The following KLHL1 variants were observed in gnomAD, a reference collection of about 807,000 sequenced individuals.
KLHL1 encodes the protein kelch-like protein 1.
In KLHL1, 47 loss-of-function variants were observed where a neutral mutation model predicts 77.7. The observed-to-expected ratio is 0.60, with a 90% CI of 0.48 to 0.77. The LOEUF (loss-of-function observed/expected upper bound fraction) is 0.77, where lower values mean the gene tolerates loss of function less well. Ranked by LOEUF, KLHL1 falls within the 30% of genes least tolerant of loss-of-function variation. The probability of loss-of-function intolerance (pLI) is 0.00; values close to 1 mark genes in which losing one functional copy is unlikely to be tolerated. For synonymous variants in KLHL1, 360 were observed against 325.2 expected (o/e 1.11, Z -1.15); for missense variants, 925 against 910.8 (o/e 1.02, Z -0.20).
intron 4 of KLHL1, among the ~76,000 whole-genome samples, chr13:69,931,219 GGTT>G (rs1230803243): frequency 6.6e-6 from 1 of 151,518 alleles, no homozygotes; most frequent in Non-Finnish European, 1.5e-5. Context: ...TTTAAGAAAT[GGTT>G]ACTATAATAT....
Position 70,107,927 on chromosome 13 carries a change from T to G in KLHL1, c.-228A>C. 2.0e-6 allele frequency: 1 copy of G among 494,490 alleles called. No homozygotes were observed. The highest frequency in any genetic ancestry group is 3.5e-6 in the Non-Finnish European group (1 of 282,442). The allele number at this position is 494,490 out of a possible 1,614,324, so 30.6% of individuals were successfully genotyped here. A position where few individuals can be genotyped will look rare whatever the true frequency, so the allele number is the denominator to read the frequency against. The stretch of plus-strand genomic sequence containing the variant: ...TGGTCGGGTCCGCAGGACCTGGGCG[T>G]GGGGACACCACCAGGCAGGAGCAGA... On this transcript the variant is annotated 5_prime_UTR_variant, in exon 1 of 11. Coordinates refer to ENST00000377844, the MANE Select transcript of KLHL1 (RefSeq NM_020866.3).
chr13:70,057,683 G>A (rs1249199016), intron 1 of KLHL1, among the ~76,000 whole-genome samples: 3 of 148,364 alleles, frequency 2.0e-5, no homozygotes. Context: ...GGCTGAGGCA[G>A]GAGAATGGCG....
intron 1 of KLHL1, among the ~76,000 whole-genome samples, chr13:70,105,747 T>C (rs940540028): frequency 2.0e-5 from 3 of 151,094 alleles, no homozygotes. Context: ...TAACTTTTAA[T>C]AACATTTTAT....
At chr13:69,999,293 T>A (rs1885229512) in intron 1 of KLHL1, among the ~76,000 whole-genome samples, 1 of 151,994 alleles carries the variant, frequency 6.6e-6, no homozygotes, top group Non-Finnish European at 1.5e-5. Context: ...AGAGCATGAT[T>A]ACCGGAAGGC....
intron 5 of KLHL1, among the ~76,000 whole-genome samples, chr13:69,850,441 C>T (rs1256628343): frequency 6.6e-6 from 1 of 151,510 alleles, no homozygotes; most frequent in Admixed American, 6.6e-5. Flanking sequence ...CACATCCAAA[C>T]AGTCACCAAA....
intron 4 of KLHL1, among the ~76,000 whole-genome samples, chr13:69,923,306 G>T (rs1310525630): frequency 1.3e-5 from 2 of 152,138 alleles, no homozygotes; most frequent in Admixed American, 6.5e-5. Flanking sequence ...GGCCCACTTT[G>T]CCAGAAGTAA....
intron 1 of KLHL1, among the ~76,000 whole-genome samples, chr13:70,075,824 G>A (rs1416476202): frequency 1.4e-5 from 2 of 147,864 alleles, no homozygotes; most frequent in African/African-American, 5.0e-5. Context: ...GCTAATGAAA[G>A]TCAATTGCTT....
At chr13:70,026,720 G>A (rs74905912) in intron 1 of KLHL1, among the ~76,000 whole-genome samples, 39,246 of 150,078 alleles carry the variant, frequency 0.26, 5,605 homozygotes, top group East Asian at 0.58. Flanking sequence ...GTGTGTGTGT[G>A]TGTGTGTGTG....
chr13:69,934,012 C>A (rs1883090402), intron 4 of KLHL1, among the ~76,000 whole-genome samples: 1 of 151,912 alleles, frequency 6.6e-6, no homozygotes, highest in South Asian at 2.1e-4. Context: ...GGTTTATTAT[C>A]CCATTCTAGC....
intron 1 of KLHL1, among the ~76,000 whole-genome samples, chr13:70,016,526 G>C (rs976613254): frequency 6.6e-6 from 1 of 152,226 alleles, no homozygotes; most frequent in African/African-American, 2.4e-5. Context: ...CCTGGGTGCT[G>C]TCACAACCCT....
intron 4 of KLHL1, among the ~76,000 whole-genome samples, chr13:69,889,505 T>C (rs1437965715): frequency 6.6e-6 from 1 of 152,030 alleles, no homozygotes; most frequent in Non-Finnish European, 1.5e-5. Context: ...TTGATTAATT[T>C]TTTTCTGGTT....
At chr13:70,010,703 C>A (rs1885512082) in intron 1 of KLHL1, among the ~76,000 whole-genome samples, 1 of 151,752 alleles carries the variant, frequency 6.6e-6, no homozygotes, top group South Asian at 2.1e-4. Flanking sequence ...CCAGCCTGGC[C>A]AATATGGTGA....
intron 3 of KLHL1, among the ~76,000 whole-genome samples, chr13:69,947,026 TGTTGTGTGTGTGTG>T (rs1883549583): frequency 1.9e-5 from 2 of 103,408 alleles, no homozygotes; most frequent in Admixed American, 1.3e-4. Flanking sequence ...TGTGTGTGTG[TGTTGTGTGTGTGTG>T]TGTGTGTGTG....
intron 6 of KLHL1, among the ~76,000 whole-genome samples, chr13:69,829,101 CCA>C (rs764642333): frequency 6.6e-6 from 1 of 150,600 alleles, no homozygotes; most frequent in East Asian, 1.9e-4. Context: ...CTTGAAAGTT[CCA>C]CCTCCTGGCT....
chr13:70,088,702 A>T (rs1306599340), intron 1 of KLHL1, among the ~76,000 whole-genome samples: 1 of 152,142 alleles, frequency 6.6e-6, no homozygotes, highest in Non-Finnish European at 1.5e-5. Context: ...ACAAATAAAT[A>T]AAATAAAATA....
chr13:69,817,910 T>A (rs778479214), intron 6 of KLHL1, among the ~76,000 whole-genome samples: 1 of 152,170 alleles, frequency 6.6e-6, no homozygotes, highest in African/African-American at 2.4e-5. Context: ...GAATGTACAA[T>A]GATGAGGTTC....
At chr13:69,783,260 C>T (rs1194244518) in intron 7 of KLHL1, among the ~76,000 whole-genome samples, 1 of 152,116 alleles carries the variant, frequency 6.6e-6, no homozygotes, top group Admixed American at 6.5e-5. Flanking sequence ...ACTCTAAAAG[C>T]AGAGCACCTC....
chr13:70,066,277 T>G (rs2137411575), intron 1 of KLHL1, among the ~76,000 whole-genome samples: 1 of 152,324 alleles, frequency 6.6e-6, no homozygotes, highest in South Asian at 2.1e-4. Context: ...TTAGTCTGTC[T>G]AAGTCATCTA....
chr13:69,740,396 G>T lies in KLHL1; in HGVS notation c.1800C>A (p.Gly600=). 1 of 1,533,354 alleles carries T rather than the reference G, an allele frequency of 6.5e-7. No individual in the cohort carries two copies. Among genetic ancestry groups the T allele is most frequent in the South Asian group, 1.3e-5 (1 of 77,308 alleles). 95.0% of individuals were successfully genotyped at this position (1,533,354 alleles called of 1,614,324 possible). A position where few individuals can be genotyped will look rare whatever the true frequency, so the allele number is the denominator to read the frequency against. The part of the protein sequence containing the change: ...RSTVGVAALN[G]KLYSVGGRDG... ...AAATAAGAAAAAAATTTACTTACTTGCCATTCAATGCTGCTACACCAACTG... is the reference window on the plus strand; with the variant it reads ...AAATAAGAAAAAAATTTACTTACTTTCCATTCAATGCTGCTACACCAACTG... Residue 600 remains glycine (G), a splice_region_variant and synonymous_variant, in exon 8 of 11, where the codon GGC becomes GGA. Coordinates refer to ENST00000377844, the MANE Select transcript of KLHL1 (RefSeq NM_020866.3).
Sources: gnomAD v4.1 joint callset for allele counts (sites outside exome capture counted in the v4.1 genomes callset) on GRCh38, gnomAD v4.1.1 for gene constraint, MANE v1.5 for transcripts, NCBI Gene and HGNC (gene_info 2026-07-23, HGNC 2026-07-21) for gene names.